The following PHF3 variants were observed in gnomAD, a reference collection of about 807,000 sequenced individuals.
PHF3 encodes the protein PHD finger protein 3.
Under a neutral mutation model 178.4 loss-of-function variants are expected in PHF3, and 41 were observed. The ratio of observed to expected loss-of-function variants is 0.23; its 90% CI spans 0.18 to 0.30. PHF3 has a LOEUF of 0.30. PHF3 is among the 10% of genes least tolerant of loss of function. The pLI, the probability that PHF3 is intolerant of heterozygous loss-of-function variation, is 1.00. For synonymous variants in PHF3, 842 were observed against 800.5 expected (o/e 1.05, Z -0.88); for missense variants, 2,346 against 2,398.1 (o/e 0.98, Z 0.45).
chr6:63,647,814 T>G (rs1764854257), intron 2 of PHF3, among the ~76,000 whole-genome samples: 1 of 152,168 alleles, frequency 6.6e-6, no homozygotes, highest in East Asian at 1.9e-4. Flanking sequence ...AAATTATAGG[T>G]AAAGGTAAAA....
rs953666328 is a variant in PHF3 at position 63,723,345 on chromosome 6, A to G, written c.*9637A>G. Among the ~76,000 whole-genome samples, 5 of 152,198 alleles carry G rather than the reference A, an allele frequency of 3.3e-5. No homozygotes were observed. The highest frequency in any genetic ancestry group is 5.9e-5 in the Non-Finnish European group (4 of 68,032). On this transcript the variant is annotated 3_prime_UTR_variant, in exon 16 of 16. Transcript: ENST00000262043. The stretch of plus-strand genomic sequence containing the variant: ...CCACCAAAAACTGGAACAAGTAAAC[A>G]TAATTGATAATTAAGTTCAAAAAAT...
chr6:63,711,750 A>G lies in PHF3; in HGVS notation c.4162A>G (p.Thr1388Ala), dbSNP rs1356466560. 4.3e-6 allele frequency: 7 copies of G among 1,613,616 alleles called. No homozygotes were observed. The highest frequency in any genetic ancestry group is 5.9e-6 in the Non-Finnish European group (7 of 1,179,906). The change falls in exon 16 of 16, where the codon ACA becomes GCA. Residue 1388 changes from threonine (T) to alanine (A), a missense_variant. By Grantham distance (58) the Thr-to-Ala change is moderately conservative. Around this residue, in one of 8 missense-constraint regions of PHF3, gnomAD observed 839 missense variants for 806.9 expected, o/e 1.04. Coordinates refer to ENST00000262043, the MANE Select transcript of PHF3 (RefSeq NM_001370348.2). Reference protein sequence around the residue: ...PDKKSKIEVSTEEAPEEENDF... With the variant: ...PDKKSKIEVSAEEAPEEENDF... ...TAAAAAAAGTAAAATAGAAGTTTCT[A>G]CAGAAGAAGCACCAGAGGAAGAAAA...
In PHF3 at chr6:63,716,197, G is replaced by A. The variant is rs910571996; in HGVS notation, c.*2489G>A. 1.3e-5 allele frequency among the ~76,000 whole-genome samples: 2 copies of A among 152,128 alleles called. No homozygotes were observed. The highest frequency in any genetic ancestry group is 2.9e-5 in the Non-Finnish European group (2 of 68,006). ...GCTGAGGAAACTGGAACTTAGAGAA[G>A]TTGGGAAACTTGGCCAGGTTACCCT... On this transcript the variant is annotated 3_prime_UTR_variant, in exon 16 of 16. Coordinates refer to ENST00000262043, the MANE Select transcript of PHF3 (RefSeq NM_001370348.2).
At position 63,694,775 on chromosome 6, in the gene PHF3, G is replaced by T; in HGVS notation, c.2680+11G>T. On this transcript the variant is annotated intron_variant, in intron 6 of 15. Coordinates refer to ENST00000262043, the MANE Select transcript of PHF3 (RefSeq NM_001370348.2). ...AAGCTTCAAAACCAGGTAGTGAGAT[G>T]AACAGAAAAAATTATATACTAATAT... 3 of 1,415,368 alleles carry T rather than the reference G, an allele frequency of 2.1e-6. No homozygotes were observed. The highest frequency in any genetic ancestry group is 1.8e-5 in the South Asian group (1 of 55,936). The allele number at this position is 1,415,368 out of a possible 1,614,324, so 87.7% of individuals were successfully genotyped here. A position where few individuals can be genotyped will look rare whatever the true frequency, so the allele number is the denominator to read the frequency against.
intron 2 of PHF3, among the ~76,000 whole-genome samples, chr6:63,666,695 G>A (rs1450247539): frequency 6.6e-6 from 1 of 151,134 alleles, no homozygotes; most frequent in African/African-American, 2.4e-5. Context: ...TATTCTTTAG[G>A]GAATAATGAC....
At position 63,716,030 on chromosome 6, in the gene PHF3, T is replaced by G. The variant is rs1241213395; in HGVS notation, c.*2322T>G. ...AATGCATACCTCTATTAGGTAAAAG[T>G]ACCAGGGCATCTCAGTACCTGTAAA... On this transcript the variant is annotated 3_prime_UTR_variant, in exon 16 of 16. Transcript: ENST00000262043. 6.6e-6 allele frequency among the ~76,000 whole-genome samples: 1 copy of G among 152,204 alleles called. No homozygotes were observed. Among genetic ancestry groups the G allele is most frequent in the Non-Finnish European group, 1.5e-5 (1 of 68,034 alleles).
In PHF3 at chr6:63,719,397, T is replaced by G. The variant is rs545465244; in HGVS notation, c.*5689T>G. 6.6e-6 allele frequency among the ~76,000 whole-genome samples: 1 copy of G among 151,866 alleles called. No individual in the cohort carries two copies. The highest frequency in any genetic ancestry group is 1.9e-4 in the East Asian group (1 of 5,184). On this transcript the variant is annotated 3_prime_UTR_variant, in exon 16 of 16. Coordinates refer to ENST00000262043, the MANE Select transcript of PHF3 (RefSeq NM_001370348.2). ...TTTCCTTTTGAACATTACATGCTGC[T>G]TATTACTAAGATTTTTTTCTCCAGA...
chr6:63,700,486 T>A lies in PHF3; in HGVS notation c.3099+20T>A, dbSNP rs777567184. ...AGACATGTAAGATTATCTATAAATA[T>A]GCATTTGACTATCAAAATCTATGTT... On this transcript the variant is annotated intron_variant, in intron 9 of 15. Coordinates refer to ENST00000262043, the MANE Select transcript of PHF3 (RefSeq NM_001370348.2). 8.1e-7 allele frequency: 1 copy of A among 1,234,988 alleles called. No individual in the cohort carries two copies. 76.5% of individuals were successfully genotyped at this position (1,234,988 alleles called of 1,614,324 possible).
At chr6:63,706,623 C>T (rs1767705110) in intron 12 of PHF3, 106 bp from the exon 13 acceptor site, 5 of 860,570 alleles carry the variant, frequency 5.8e-6, no homozygotes, top group Non-Finnish European at 3.6e-6. Flanking sequence ...TCAATAGCCT[C>T]ATATTTTGGC....
intron 1 of PHF3, among the ~76,000 whole-genome samples, chr6:63,643,965 G>A (rs530483530): frequency 6.0e-4 from 91 of 152,318 alleles, no homozygotes; most frequent in Non-Finnish European, 1.2e-3. Context: ...CTTCAGTATA[G>A]CTATGGGATC....
At position 63,716,597 on chromosome 6, in the gene PHF3, A is replaced by C. The variant is rs568512939; in HGVS notation, c.*2889A>C. Among the ~76,000 whole-genome samples the C allele has an allele frequency of 1.3e-5, 2 of 152,240 alleles. No homozygotes were observed. Among genetic ancestry groups the C allele is most frequent in the East Asian group, 3.9e-4 (2 of 5,182 alleles). ...TGATCTTACGGTTCTGTGGATCAGA[A>C]GTCTGTGCAGATCTCACTGGGTAAG... On this transcript the variant is annotated 3_prime_UTR_variant, in exon 16 of 16. Coordinates refer to ENST00000262043, the MANE Select transcript of PHF3 (RefSeq NM_001370348.2).
chr6:63,704,801 T>C (rs1387096517), intron 11 of PHF3, among the ~76,000 whole-genome samples: 1 of 152,174 alleles, frequency 6.6e-6, no homozygotes, highest in Non-Finnish European at 1.5e-5. Context: ...TATGTTTATC[T>C]TATAAGAAAC....
At chr6:63,671,105 G>C (rs965953298) in intron 2 of PHF3, among the ~76,000 whole-genome samples, 2 of 149,864 alleles carry the variant, frequency 1.3e-5, no homozygotes. Flanking sequence ...TGGTCGAGCT[G>C]CTTTTTTTTT....
rs3071174 is a variant in PHF3, at chr6:63,658,708, T to TTGTGTG, written c.244+11957_244+11962dup. Among the ~76,000 whole-genome samples, 209 of 145,292 alleles carry TTGTGTG rather than the reference T, an allele frequency of 1.4e-3. 1 individual carries two copies. Among genetic ancestry groups the TTGTGTG allele is most frequent in the African/African-American group, 3.5e-3 (139 of 39,332 alleles). ...TCCAGAGAAACAGAACCAATAGATT[T>TTGTGTG]TGTGTGTGTGTGTGTGTGTGTGTGT... On this transcript the variant is annotated intron_variant, in intron 2 of 15. Coordinates refer to ENST00000262043, the MANE Select transcript of PHF3 (RefSeq NM_001370348.2).
chr6:63,663,371 A>G (rs1426353255), intron 2 of PHF3, among the ~76,000 whole-genome samples: 1 of 152,064 alleles, frequency 6.6e-6, no homozygotes, highest in Non-Finnish European at 1.5e-5. Context: ...CCCGCCAGCT[A>G]CAGAAGCTGA....
intron 3 of PHF3, among the ~76,000 whole-genome samples, chr6:63,680,819 C>G (rs1190422377): frequency 6.6e-6 from 1 of 152,020 alleles, no homozygotes; most frequent in East Asian, 1.9e-4. Flanking sequence ...GCCTTCTGAT[C>G]CCCTCTTATG....
chr6:63,674,920 G>T (rs766433711), intron 2 of PHF3, among the ~76,000 whole-genome samples: 3 of 152,062 alleles, frequency 2.0e-5, no homozygotes, highest in Non-Finnish European at 4.4e-5. Context: ...CCTTTGTATG[G>T]TATTAAAGTG....
chr6:63,712,777 C>A lies in PHF3; in HGVS notation c.5189C>A (p.Thr1730Asn). 2 of 1,613,946 alleles carry A rather than the reference C, an allele frequency of 1.2e-6. No homozygotes were observed. Among genetic ancestry groups the A allele is most frequent in the Non-Finnish European group, 1.7e-6 (2 of 1,179,948 alleles). The change falls in exon 16 of 16, where the codon ACT becomes AAT. Residue 1730 changes from threonine to asparagine, a missense_variant. Thr to Asn is a moderately conservative substitution (Grantham distance 65). Around this residue, in one of 8 missense-constraint regions of PHF3, gnomAD observed 839 missense variants for 806.9 expected, o/e 1.04. Transcript: ENST00000262043. ...QNSPSVENIQ[T>N]SQAEQAKPLQ... The stretch of plus-strand genomic sequence containing the variant: ...TCACCATCAGTAGAAAACATACAGA[C>A]TTCTCAAGCAGAACAAGCAAAACCC...
chr6:63,695,682 C>T (rs571051740), intron 6 of PHF3, among the ~76,000 whole-genome samples: 8 of 151,964 alleles, frequency 5.3e-5, no homozygotes, highest in Non-Finnish European at 1.0e-4. Context: ...CTGATTAGTC[C>T]GTAGCAATAT....
Sources: allele counts gnomAD v4.1 joint callset (sites outside exome capture counted in the v4.1 genomes callset), GRCh38; gene constraint gnomAD v4.1.1; regional missense constraint gnomAD v4.1.1; transcripts MANE v1.5; gene names NCBI Gene and HGNC (gene_info 2026-07-23, HGNC 2026-07-21).